The following MMS22L variants were observed in gnomAD, a reference collection of about 807,000 sequenced individuals.
The protein encoded by MMS22L is MMS22 like, DNA repair protein.
A neutral mutation model predicts 159.1 loss-of-function variants in MMS22L; 74 were observed. The observed-to-expected ratio is 0.47, with a 90% CI of 0.39 to 0.56. MMS22L has a LOEUF of 0.56. MMS22L is among the 20% of genes least tolerant of loss of function. The probability of loss-of-function intolerance (pLI) is 0.00; values close to 1 mark genes in which losing one functional copy is unlikely to be tolerated. For synonymous variants in MMS22L, 517 were observed against 506.9 expected (o/e 1.02, Z -0.27); for missense variants, 1,351 against 1,422.1 (o/e 0.95, Z 0.80).
chr6:97,276,938 T>C (rs1218908853), intron 4 of MMS22L, among the ~76,000 whole-genome samples: 1 of 152,212 alleles, frequency 6.6e-6, no homozygotes, highest in African/African-American at 2.4e-5. Context: ...CTTTGATTCG[T>C]CAGTACCTTG....
At chr6:97,194,534 T>A (rs941543895) in intron 14 of MMS22L, among the ~76,000 whole-genome samples, 1 of 152,288 alleles carries the variant, frequency 6.6e-6, no homozygotes, top group Admixed American at 6.5e-5. Context: ...CAATAAACAA[T>A]CTTTGATTTT....
At chr6:97,279,136 C>G (rs985354356) in intron 3 of MMS22L, among the ~76,000 whole-genome samples, 1 of 152,160 alleles carries the variant, frequency 6.6e-6, no homozygotes, top group African/African-American at 2.4e-5. Flanking sequence ...GCATATATCT[C>G]AAAAATTATT....
intron 15 of MMS22L, among the ~76,000 whole-genome samples, chr6:97,185,686 A>T (rs1055433622): frequency 2.0e-5 from 3 of 152,166 alleles, no homozygotes; most frequent in Non-Finnish European, 4.4e-5. Flanking sequence ...TTAAATCATT[A>T]GTCTTTTACA....
chr6:97,273,090 A>G (rs767540474), intron 4 of MMS22L, 28 bp from the exon 5 acceptor site: 1 of 1,553,150 alleles, frequency 6.4e-7, no homozygotes, highest in South Asian at 1.2e-5. Flanking sequence ...AATGTTAATC[A>G]TAGTTCAAAT....
At chr6:97,232,667 A>G (rs1810990757) in intron 12 of MMS22L, among the ~76,000 whole-genome samples, 1 of 152,102 alleles carries the variant, frequency 6.6e-6, no homozygotes, top group Non-Finnish European at 1.5e-5. Context: ...AAGACACCCT[A>G]GACTCACCCT....
rs779120417 is a variant in MMS22L at position 97,272,958 on chromosome 6, C to T, written c.428+17G>A. On this transcript the variant is annotated intron_variant, in intron 5 of 24. Coordinates refer to ENST00000683635, the MANE Select transcript of MMS22L (RefSeq NM_001350599.2). ...AGAAATTCATGCAGTGATCAAAATA[C>T]TCATCTGATATCCTACCTGAAGATG... 2 of 1,608,196 alleles carry T rather than the reference C, an allele frequency of 1.2e-6. No individual in the cohort carries two copies. The highest frequency in any genetic ancestry group is 1.7e-6 in the Non-Finnish European group (2 of 1,177,348).
intron 11 of MMS22L, among the ~76,000 whole-genome samples, chr6:97,244,698 C>T (rs1453809006): frequency 1.3e-5 from 2 of 152,182 alleles, no homozygotes; most frequent in African/African-American, 4.8e-5. Context: ...TGCTCCTCAG[C>T]TTGCAGGTGG....
At chr6:97,149,129 C>T (rs543364451) in intron 24 of MMS22L, among the ~76,000 whole-genome samples, 1 of 152,228 alleles carries the variant, frequency 6.6e-6, no homozygotes, top group South Asian at 2.1e-4. Flanking sequence ...TGTAAATATA[C>T]TCTATTTGAT....
chr6:97,175,851 T>C (rs1804057923), intron 18 of MMS22L, among the ~76,000 whole-genome samples: 1 of 152,228 alleles, frequency 6.6e-6, no homozygotes, highest in Non-Finnish European at 1.5e-5. Flanking sequence ...GCTCACTTCA[T>C]TCATTTTTTG....
intron 14 of MMS22L, among the ~76,000 whole-genome samples, chr6:97,212,003 TATTTTA>T (rs1808432052): frequency 6.6e-6 from 1 of 152,228 alleles, no homozygotes; most frequent in Admixed American, 6.5e-5. Flanking sequence ...TCACATGCTT[TATTTTA>T]TGTAGGGCAA....
At position 97,201,982 on chromosome 6, in the gene MMS22L, G is replaced by A. The variant is rs180963978; in HGVS notation, c.2040-15292C>T. On this transcript the variant is annotated intron_variant, in intron 14 of 24. Coordinates refer to ENST00000683635, the MANE Select transcript of MMS22L (RefSeq NM_001350599.2). ...CAATACTTTTAGAAAGCCTACAAATGTTTCCACAGTAACATTTTTGTGCTT... is the reference window on the plus strand; with the variant it reads ...CAATACTTTTAGAAAGCCTACAAATATTTCCACAGTAACATTTTTGTGCTT... 6.0e-4 allele frequency among the ~76,000 whole-genome samples: 91 copies of A among 152,246 alleles called. 1 individual carries two copies. Among genetic ancestry groups the A allele is most frequent in the Non-Finnish European group, 5.9e-5 (4 of 68,002 alleles).
chr6:97,252,397 C>CAGGCAGATTAACTGAGGT (rs575879413), intron 10 of MMS22L, among the ~76,000 whole-genome samples: 2 of 152,024 alleles, frequency 1.3e-5, no homozygotes, highest in Non-Finnish European at 2.9e-5. Flanking sequence ...GAGGCCGAGG[C>CAGGCAGATTAACTGAGGT]AGGCAGATTA....
chr6:97,221,793 T>C (rs941222946), intron 14 of MMS22L, among the ~76,000 whole-genome samples: 3 of 151,988 alleles, frequency 2.0e-5, no homozygotes, highest in Middle Eastern at 3.2e-3. Context: ...CAAAAATTAT[T>C]AGAACACTGC....
chr6:97,227,968 T>A lies in MMS22L; in HGVS notation c.2039+926A>T, dbSNP rs181583011. 6.9e-3 allele frequency among the ~76,000 whole-genome samples: 1,050 copies of A among 152,370 alleles called. 41 individuals carry two copies. Among genetic ancestry groups the A allele is most frequent in the Admixed American group, 0.063 (971 of 15,308 alleles). ...GATCTGAAAAACAGTAAGTTTTGTA[T>A]AGGTGATTGGTGTTATTAATAGAAT... On this transcript the variant is annotated intron_variant, in intron 14 of 24. Coordinates refer to ENST00000683635, the MANE Select transcript of MMS22L (RefSeq NM_001350599.2).
intron 24 of MMS22L, among the ~76,000 whole-genome samples, chr6:97,148,484 G>A (rs899147088): frequency 2.0e-5 from 3 of 152,082 alleles, no homozygotes; most frequent in Admixed American, 6.6e-5. Context: ...AGATGTAGAG[G>A]TGGAAGACAG....
intron 22 of MMS22L, among the ~76,000 whole-genome samples, chr6:97,157,040 C>T (rs550360016): frequency 1.3e-5 from 2 of 152,164 alleles, no homozygotes; most frequent in South Asian, 4.1e-4. Context: ...TCCTTCACAT[C>T]CCGTGTAAGT....
chr6:97,188,845 C>T (rs1043884669), intron 14 of MMS22L, among the ~76,000 whole-genome samples: 1 of 151,946 alleles, frequency 6.6e-6, no homozygotes, highest in Non-Finnish European at 1.5e-5. Context: ...GCTTGTAATC[C>T]CAGCAACTCA....
intron 14 of MMS22L, among the ~76,000 whole-genome samples, chr6:97,199,455 T>A (rs2128297965): frequency 6.6e-6 from 1 of 152,246 alleles, no homozygotes; most frequent in Admixed American, 6.5e-5. Flanking sequence ...TCCCCCCACC[T>A]CCATTTAAAT....
chr6:97,179,646 C>T (rs747343967), intron 16 of MMS22L, 87 bp from the exon 17 acceptor site: 2 of 1,134,652 alleles, frequency 1.8e-6, no homozygotes, highest in Non-Finnish European at 1.2e-6. Flanking sequence ...ATTCTAACAT[C>T]CCTGCAACTC....
Sources: gnomAD v4.1 joint callset for allele counts (sites outside exome capture counted in the v4.1 genomes callset) on GRCh38, gnomAD v4.1.1 for gene constraint, MANE v1.5 for transcripts, NCBI Gene and HGNC (gene_info 2026-07-23, HGNC 2026-07-21) for gene names.